Variants in ECHDC3 observed in about 807,000 individuals in gnomAD.
ECHDC3 encodes enoyl-CoA hydratase domain containing 3, also known as enoyl-CoA hydratase domain-containing protein 3, mitochondrial.
Under a neutral mutation model 17.9 loss-of-function variants are expected in ECHDC3, and 20 were observed. The observed-to-expected ratio is 1.12, with a 90% confidence interval of 0.79 to 1.63. The LOEUF (loss-of-function observed/expected upper bound fraction) is 1.63. Ranked by LOEUF, ECHDC3 falls within the 40% of genes most tolerant of loss-of-function variation. The pLI is 0.00. For synonymous variants in ECHDC3, 177 were observed against 149.7 expected (o/e 1.18, Z -1.33); for missense variants, 407 against 357.7 (o/e 1.14, Z -1.11).
At position 11,742,761 on chromosome 10, in the gene ECHDC3, G is replaced by T; in HGVS notation, c.170+15G>T. 8.2e-7 allele frequency: 1 copy of T among 1,225,330 alleles called. No homozygotes were observed. The highest frequency in any genetic ancestry group is 3.9e-5 in the South Asian group (1 of 25,570). 75.9% of individuals were successfully genotyped at this position (1,225,330 alleles called of 1,614,324 possible). Reference sequence around the variant, plus strand: ...GACGGCATAAGGTCAGCCCCGGGCCGCGCGGGCTCCTCGCGTTGGTGCCGA... The same window carrying T: ...GACGGCATAAGGTCAGCCCCGGGCCTCGCGGGCTCCTCGCGTTGGTGCCGA... On this transcript the variant is annotated intron_variant, in intron 1 of 4. Coordinates refer to ENST00000379215, the MANE Select transcript of ECHDC3 (RefSeq NM_024693.5).
chr10:11,752,003 A>G (rs1832830107), intron 3 of ECHDC3: 1 of 152,242 alleles, frequency 6.6e-6, no homozygotes, highest in Admixed American at 6.5e-5. Context: ...AGGAAGGTCA[A>G]ATAGGTATAA....
At chr10:11,761,289 G>A (rs530429378) in intron 4 of ECHDC3, among the ~76,000 whole-genome samples, 1 of 152,202 alleles carries the variant, frequency 6.6e-6, no homozygotes, top group Non-Finnish European at 1.5e-5. Context: ...GCTTGGTGGG[G>A]GGTAGGTACT....
At chr10:11,751,378 T>C (rs2133790162) in intron 3 of ECHDC3, among the ~76,000 whole-genome samples, 1 of 152,324 alleles carries the variant, frequency 6.6e-6, no homozygotes, top group Admixed American at 6.5e-5. Context: ...CCCAAAGTAG[T>C]AAAATAGGAC....
At chr10:11,761,378 A>C (rs1832948913) in intron 4 of ECHDC3, among the ~76,000 whole-genome samples, 1 of 152,160 alleles carries the variant, frequency 6.6e-6, no homozygotes, top group Admixed American at 6.5e-5. Flanking sequence ...CCTCCCTGCA[A>C]AAGTTATCCA....
At chr10:11,744,619 C>T (rs1832741250) in intron 1 of ECHDC3, among the ~76,000 whole-genome samples, 1 of 152,016 alleles carries the variant, frequency 6.6e-6, no homozygotes, top group Admixed American at 6.5e-5. Context: ...TGGTGGAGCT[C>T]TCGGTGCAAG....
Position 11,763,219 on chromosome 10 carries a change from C to T in ECHDC3, c.592-5C>T, listed in dbSNP as rs148402928. 4.5e-4 allele frequency: 345 copies of T among 770,318 alleles called. 2 individuals are homozygous for T. In the African/African-American group the frequency reaches 5.0e-3, roughly 11 times the overall value. The allele number at this position is 770,318 out of a possible 1,614,324, so 47.7% of individuals were successfully genotyped here. On this transcript the variant is annotated splice_region_variant and splice_polypyrimidine_tract_variant and intron_variant, in intron 4 of 4. Transcript: ENST00000379215. This position sits in a 1 kb window ranked among gnomAD's most constrained non-coding sequence, Gnocchi z 4.9. ...ACCTCAGTGACATCCCGTGTCTCCC[C>T]GTAGGTGGCCTTGGAGATGCTCTTT...
At position 11,755,499 on chromosome 10, in the gene ECHDC3, G is replaced by A; in HGVS notation, c.482G>A (p.Cys161Tyr). The A allele has an allele frequency of 1.9e-6, 3 of 1,614,130 alleles. No individual in the cohort carries two copies. The highest frequency in any genetic ancestry group is 2.5e-6 in the Non-Finnish European group (3 of 1,180,006). The change falls in exon 4 of 5, where the codon TGC (cysteine) becomes TAC (tyrosine). Residue 161 changes from cysteine (C) to tyrosine (Y), a missense_variant. By Grantham distance (194) the Cys-to-Tyr change is radical. Coordinates refer to ENST00000379215, the MANE Select transcript of ECHDC3 (RefSeq NM_024693.5). ...GCCGGCTGTCAACTGGTTGCCAGCT[G>A]CGACATTGCCGTGGCGAGCGACAAG... is the stretch of plus-strand genomic sequence containing the variant. ...AAAGCQLVAS[C>Y]DIAVASDKSS...
At chr10:11,755,864 A>T in intron 4 of ECHDC3, 3 of 449,554 alleles carry the variant, frequency 6.7e-6, no homozygotes, top group South Asian at 3.5e-5. Context: ...CATCATGCGT[A>T]CCCTCAGTAC....
intron 4 of ECHDC3, among the ~76,000 whole-genome samples, chr10:11,761,530 A>T (rs138365155): frequency 2.0e-5 from 3 of 152,246 alleles, no homozygotes; most frequent in Non-Finnish European, 4.4e-5. Context: ...TGCAATTTGG[A>T]CAGGGCTTAG....
chr10:11,758,966 C>T (rs1832915465), intron 4 of ECHDC3, among the ~76,000 whole-genome samples: 1 of 152,228 alleles, frequency 6.6e-6, no homozygotes, highest in Non-Finnish European at 1.5e-5. Flanking sequence ...GTTGAATCCT[C>T]ACTCCCAAGG....
Position 11,747,529 on chromosome 10 carries a change from T to C in ECHDC3, c.292+59T>C, listed in dbSNP as rs188292411. On this transcript the variant is annotated intron_variant, in intron 2 of 4. Coordinates refer to ENST00000379215, the MANE Select transcript of ECHDC3 (RefSeq NM_024693.5). Reference sequence around the variant, plus strand: ...AGTGCCCACAAGAGCTTTCTGAGTCTTTAGTAAACTGGGGCATCCCTTTAT... The same window carrying C: ...AGTGCCCACAAGAGCTTTCTGAGTCCTTAGTAAACTGGGGCATCCCTTTAT... 332 of 1,576,750 alleles carry C rather than the reference T, an allele frequency of 2.1e-4. 1 individual carries two copies. In the African/African-American group the frequency reaches 3.8e-3, roughly 18 times the overall value.
At chr10:11,751,608 T>C (rs1382125298) in intron 3 of ECHDC3, among the ~76,000 whole-genome samples, 1 of 152,198 alleles carries the variant, frequency 6.6e-6, no homozygotes, top group African/African-American at 2.4e-5. Context: ...ATCTAAAAAC[T>C]ATACCAATTG....
chr10:11,759,228 C>A (rs954405549), intron 4 of ECHDC3, among the ~76,000 whole-genome samples: 1 of 152,064 alleles, frequency 6.6e-6, no homozygotes, highest in Non-Finnish European at 1.5e-5. Context: ...GTGGCGCATG[C>A]CTGTAATCCC....
At chr10:11,754,091 C>T (rs144155610) in intron 3 of ECHDC3, among the ~76,000 whole-genome samples, 176 of 152,174 alleles carry the variant, frequency 1.2e-3, no homozygotes, top group African/African-American at 3.9e-3. Flanking sequence ...ATGTCATTAG[C>T]GTTTATCAGG....
rs995647098 is a variant in ECHDC3, at chr10:11,742,740, G to C, written c.164G>C (p.Gly55Ala). The change falls in exon 1 of 5, where the codon GGC (glycine) becomes GCC (alanine). Residue 55 changes from glycine (G) to alanine (A), a missense_variant. Gly to Ala is a moderately conservative substitution (Grantham distance 60). Transcript: ENST00000379215. The stretch of plus-strand genomic sequence containing the variant: ...CCCACCAGCGCGCGGCAGCTGGACG[G>C]CATAAGGTCAGCCCCGGGCCGCGCG... ...PRPTSARQLD[G>A]IRNIVLSNPK... 315 of 1,233,776 alleles carry C rather than the reference G, an allele frequency of 2.6e-4. 2 individuals carry two copies. The highest frequency in any genetic ancestry group is 2.8e-4 in the Non-Finnish European group (275 of 988,902). 76.4% of individuals were successfully genotyped at this position (1,233,776 alleles called of 1,614,324 possible).
intron 4 of ECHDC3, among the ~76,000 whole-genome samples, chr10:11,760,652 G>C (rs1832938706): frequency 2.0e-5 from 3 of 152,214 alleles, no homozygotes. Context: ...GTCCCTCTGA[G>C]TTCCCCAAGA....
At chr10:11,742,955 A>AG in intron 1 of ECHDC3, 1 of 456,764 alleles carries the variant, frequency 2.2e-6, no homozygotes, top group Non-Finnish European at 3.5e-6. Context: ...CAAAGCCCTC[A>AG]GGGCAGCCTG....
intron 3 of ECHDC3, among the ~76,000 whole-genome samples, chr10:11,754,651 G>C (rs898572849): frequency 6.6e-6 from 1 of 152,224 alleles, no homozygotes; most frequent in African/African-American, 2.4e-5. Flanking sequence ...ACCAGCTTCA[G>C]ACCTTTAACC....
intron 2 of ECHDC3, 53 bp from the exon 3 acceptor site, chr10:11,749,442 C>G: frequency 6.3e-7 from 1 of 1,588,744 alleles, no homozygotes; most frequent in Non-Finnish European, 8.6e-7. Context: ...AACTGCCCAA[C>G]TCTGGGTGTT....
Sources: allele counts gnomAD v4.1 joint callset (sites outside exome capture counted in the v4.1 genomes callset), GRCh38; gene constraint gnomAD v4.1.1; non-coding constraint Gnocchi (gnomAD v3.1); transcripts MANE v1.5; gene names NCBI Gene and HGNC (gene_info 2026-07-23, HGNC 2026-07-21).